THADA: variants seen among roughly 807,000 people sequenced by gnomAD.
THADA encodes THADA armadillo repeat containing.
In THADA, 213 loss-of-function variants were observed where a neutral mutation model predicts 219.8. That is an observed-to-expected ratio of 0.97 (90% CI 0.87 to 1.09). THADA has a LOEUF of 1.09. Among genes scored for constraint, THADA ranks in the 50% least tolerant of loss-of-function variants. The pLI is 0.00. For synonymous variants in THADA, 1,018 were observed against 828.9 expected, an observed-to-expected ratio of 1.23 and a Z score of -3.92; for missense variants, 2,956 against 2,311.3, an observed-to-expected ratio of 1.28 and a Z score of -5.72.
intron 29 of THADA, among the ~76,000 whole-genome samples, chr2:43,375,771 G>A (rs1671300189): frequency 6.6e-6 from 1 of 152,156 alleles, no homozygotes; most frequent in African/African-American, 2.4e-5. Flanking sequence ...TTCTATTTTT[G>A]AAAACTGAGG....
intron 26 of THADA, among the ~76,000 whole-genome samples, chr2:43,476,055 T>C (rs777106320): frequency 7.2e-5 from 11 of 152,184 alleles, no homozygotes; most frequent in Non-Finnish European, 1.5e-4. Flanking sequence ...AGTCACGTGC[T>C]TCGGGGAGGA....
At chr2:43,453,621 T>G (rs1682630923) in intron 26 of THADA, among the ~76,000 whole-genome samples, 1 of 152,128 alleles carries the variant, frequency 6.6e-6, no homozygotes, top group African/African-American at 2.4e-5. Context: ...CTGTTTTTGG[T>G]TTTCTCACAA....
chr2:43,567,765 A>G (rs1698853071), intron 14 of THADA, among the ~76,000 whole-genome samples: 1 of 152,246 alleles, frequency 6.6e-6, no homozygotes. Flanking sequence ...TTGGATCCCT[A>G]GTGCTGAGCA....
At chr2:43,262,402 A>C (rs1404050909) in intron 36 of THADA, among the ~76,000 whole-genome samples, 1 of 151,996 alleles carries the variant, frequency 6.6e-6, no homozygotes, top group African/African-American at 2.4e-5. Context: ...GATGGAAGCC[A>C]CATGCCAGGA....
intron 29 of THADA, among the ~76,000 whole-genome samples, chr2:43,354,584 T>G (rs1261624250): frequency 1.3e-5 from 2 of 152,124 alleles, no homozygotes; most frequent in Admixed American, 1.3e-4. Flanking sequence ...AATTTTTGGC[T>G]CCTACAAATG....
At chr2:43,449,931 C>T (rs1208074421) in intron 26 of THADA, among the ~76,000 whole-genome samples, 4 of 152,126 alleles carry the variant, frequency 2.6e-5, no homozygotes, top group African/African-American at 4.8e-5. Context: ...ACCTGGCAAA[C>T]GGTCCTTCAA....
Position 43,590,166 on chromosome 2 carries a change from T to C in THADA, c.302+658A>G, listed in dbSNP as rs187264326. ...TTAGTTTTTATTTTGTATAGTTCTA[T>C]ATCATTTGAAATTTTTATACCAAGC... On this transcript the variant is annotated intron_variant, in intron 4 of 37. Transcript: ENST00000405975. Among the ~76,000 whole-genome samples the C allele has an allele frequency of 1.1e-4, 16 of 152,324 alleles. No homozygotes were observed. The East Asian group carries it at 2.5e-3, about 24-fold the overall frequency.
intron 28 of THADA, among the ~76,000 whole-genome samples, chr2:43,411,581 A>C (rs562598048): frequency 1.3e-5 from 2 of 152,272 alleles, no homozygotes; most frequent in South Asian, 4.2e-4. Context: ...TTGTCAACTC[A>C]TACTAGTTTT....
intron 36 of THADA, among the ~76,000 whole-genome samples, chr2:43,272,410 G>A (rs990886607): frequency 6.6e-6 from 1 of 152,212 alleles, no homozygotes; most frequent in Non-Finnish European, 1.5e-5. Flanking sequence ...GAAGTCTGGG[G>A]AGAGATGGTG....
At chr2:43,379,660 AC>A (rs1391429891) in intron 29 of THADA, among the ~76,000 whole-genome samples, 3 of 152,148 alleles carry the variant, frequency 2.0e-5, no homozygotes, top group Non-Finnish European at 4.4e-5. Context: ...TTAAACACAG[AC>A]TTACCACATG....
At chr2:43,572,696 C>T (rs1699427822) in intron 12 of THADA, 118 bp downstream of exon 12, 2 of 813,364 alleles carry the variant, frequency 2.5e-6, no homozygotes, top group Admixed American at 3.6e-5. Context: ...GGTTTCTACT[C>T]ATTCTCTTTA....
At chr2:43,392,443 T>G (rs775361256) in intron 29 of THADA, among the ~76,000 whole-genome samples, 4 of 152,164 alleles carry the variant, frequency 2.6e-5, no homozygotes, top group Non-Finnish European at 4.4e-5. Context: ...CTCCTGTCTG[T>G]AGAATAGAGT....
intron 26 of THADA, among the ~76,000 whole-genome samples, chr2:43,451,431 C>T (rs1303430923): frequency 6.6e-6 from 1 of 152,184 alleles, no homozygotes; most frequent in South Asian, 2.1e-4. Flanking sequence ...TTTACTTTTT[C>T]ATAACATTAA....
chr2:43,322,360 C>T (rs969750586), intron 30 of THADA, among the ~76,000 whole-genome samples: 5 of 151,720 alleles, frequency 3.3e-5, no homozygotes, highest in East Asian at 2.0e-4. Flanking sequence ...AAAAATGAGC[C>T]GGGCAGGGTG....
At chr2:43,557,117 AC>A (rs768619767) in intron 16 of THADA, among the ~76,000 whole-genome samples, 1 of 151,990 alleles carries the variant, frequency 6.6e-6, no homozygotes, top group Non-Finnish European at 1.5e-5. Context: ...AAACAAAACA[AC>A]ACAGCCTGGC....
intron 25 of THADA, among the ~76,000 whole-genome samples, chr2:43,492,772 C>A (rs1687799504): frequency 6.6e-6 from 1 of 152,178 alleles, no homozygotes; most frequent in African/African-American, 2.4e-5. Context: ...ATTTCTGGGC[C>A]TATGATTAAA....
chr2:43,548,972 G>A (rs990047071), intron 20 of THADA, among the ~76,000 whole-genome samples: 1 of 152,182 alleles, frequency 6.6e-6, no homozygotes, highest in Non-Finnish European at 1.5e-5. Context: ...ACTCCCGCTG[G>A]GAGCTGTAGA....
intron 28 of THADA, among the ~76,000 whole-genome samples, chr2:43,401,562 G>C (rs1674846119): frequency 1.3e-5 from 2 of 152,210 alleles, no homozygotes; most frequent in Admixed American, 1.3e-4. Context: ...ATAGGCGTGA[G>C]CCACCATGCC....
intron 29 of THADA, among the ~76,000 whole-genome samples, chr2:43,366,265 C>G (rs992108001): frequency 1.3e-5 from 2 of 152,076 alleles, no homozygotes; most frequent in Admixed American, 6.5e-5. Context: ...AAGTAAAATA[C>G]CGACCAATAA....
Sources: allele counts gnomAD v4.1 joint callset (sites outside exome capture counted in the v4.1 genomes callset), GRCh38; gene constraint gnomAD v4.1.1; transcripts MANE v1.5; gene names NCBI Gene and HGNC (gene_info 2026-07-23, HGNC 2026-07-21).